WFDC13: variants seen among roughly 807,000 people sequenced by gnomAD.
The protein encoded by WFDC13 is WAP four-disulfide core domain protein 13.
A neutral mutation model predicts 10.9 loss-of-function variants in WFDC13; 6 were observed. The observed-to-expected ratio is 0.55, with a 90% CI of 0.30 to 1.09. The LOEUF is 1.09. Among genes scored for constraint, WFDC13 ranks in the 50% least tolerant of loss-of-function variants. The pLI is 0.06. For synonymous variants in WFDC13, 38 were observed against 39.5 expected (o/e 0.96, Z 0.14); for missense variants, 104 against 109.6 (o/e 0.95, Z 0.23).
intron 2 of WFDC13, 65 bp downstream of exon 2, chr20:45,704,659 C>T (rs1335858870): frequency 6.3e-7 from 1 of 1,577,214 alleles, no homozygotes. Context: ...CAGAAGAGTC[C>T]CTTACCAGCA....
At position 45,705,036 on chromosome 20, in the gene WFDC13, G is replaced by A. The variant is rs751770949; in HGVS notation, c.239+442G>A. ...TTGGGCTCTGGAGATCCAGCCCAAA[G>A]GAAGTTTTGATTAATTGTCCAGACA... On this transcript the variant is annotated intron_variant, in intron 2 of 3. Transcript: ENST00000305479. 3.1e-6 allele frequency: 5 copies of A among 1,597,464 alleles called. No individual in the cohort carries two copies. The African/African-American group carries it at 6.7e-5, about 21-fold the overall frequency.
In WFDC13 at chr20:45,705,791, T is replaced by C. The variant is rs144645759; in HGVS notation, c.240-72T>C. On this transcript the variant is annotated intron_variant, in intron 2 of 3. Transcript: ENST00000305479. ...GGTCTAATATTAATGGTGGAAGTAA[T>C]TGAAAGAAAAATATATATCTCTAAA... 150 of 1,453,122 alleles carry C rather than the reference T, an allele frequency of 1.0e-4. No homozygotes were observed. In the East Asian group the frequency reaches 2.4e-3, roughly 23 times the overall value. The allele number at this position is 1,453,122 out of a possible 1,614,324, so 90.0% of individuals were successfully genotyped here.
chr20:45,702,097 A>G lies in WFDC13; in HGVS notation c.-27A>G. 6.2e-7 allele frequency: 1 copy of G among 1,607,064 alleles called. No homozygotes were observed. Among genetic ancestry groups the G allele is most frequent in the South Asian group, 1.1e-5 (1 of 89,394 alleles). On this transcript the variant is annotated 5_prime_UTR_variant, in exon 1 of 4. Coordinates refer to ENST00000305479, the MANE Select transcript of WFDC13 (RefSeq NM_172005.2). ...GTCAAACCCAGCAACCCTTGGCCAG[A>G]ACTTACTCACCCATCCCACTGACAC...
chr20:45,702,293 T>A (rs1051585297), intron 1 of WFDC13, 82 bp downstream of exon 1: 1 of 1,385,598 alleles, frequency 7.2e-7, no homozygotes, highest in Non-Finnish European at 1.0e-6. Context: ...CTGTCACACC[T>A]CTTGGAAAAA....
chr20:45,702,310 G>T, intron 1 of WFDC13, 99 bp downstream of exon 1: 1 of 1,255,808 alleles, frequency 8.0e-7, no homozygotes, highest in Non-Finnish European at 1.1e-6. Flanking sequence ...AAAATACCGT[G>T]TCATGTTCAA....
intron 2 of WFDC13, 140 bp from the exon 3 acceptor site, chr20:45,705,723 T>G: frequency 1.4e-6 from 1 of 707,898 alleles, no homozygotes. Flanking sequence ...CATTGAGTTT[T>G]TTGAGGTTCT....
intron 3 of WFDC13, among the ~76,000 whole-genome samples, chr20:45,706,494 C>T (rs1003181966): frequency 2.0e-5 from 3 of 150,952 alleles, no homozygotes; most frequent in African/African-American, 7.3e-5. Flanking sequence ...AGGGAGTGGG[C>T]CGGGTATGGT....
intron 2 of WFDC13, 53 bp from the exon 3 acceptor site, chr20:45,705,810 C>T: frequency 6.5e-7 from 1 of 1,533,228 alleles, no homozygotes. Context: ...AAATATATAT[C>T]TCTAAAAGTA....
chr20:45,703,662 G>C (rs62207176), intron 1 of WFDC13, among the ~76,000 whole-genome samples: 8,131 of 152,156 alleles, frequency 0.053, 343 homozygotes, highest in East Asian at 0.21. Context: ...TGTGGACTTA[G>C]GGAAGACTCT....
At chr20:45,706,990 G>A (rs917170053) in intron 3 of WFDC13, among the ~76,000 whole-genome samples, 14 of 152,308 alleles carry the variant, frequency 9.2e-5, no homozygotes, top group South Asian at 2.1e-4. Flanking sequence ...TTAGAATGGT[G>A]GTCTTTCAGC....
intron 2 of WFDC13, among the ~76,000 whole-genome samples, 189 bp from the exon 3 acceptor site, chr20:45,705,674 A>G (rs1984362126): frequency 6.6e-6 from 1 of 152,226 alleles, no homozygotes; most frequent in African/African-American, 2.4e-5. Flanking sequence ...TCAATGCTCT[A>G]CATTGGAATG....
Position 45,702,090 on chromosome 20 carries a change from T to G in WFDC13, c.-34T>G, listed in dbSNP as rs749964713. The stretch of plus-strand genomic sequence containing the variant: ...GTGCCTGGTCAAACCCAGCAACCCT[T>G]GGCCAGAACTTACTCACCCATCCCA... On this transcript the variant is annotated 5_prime_UTR_variant, in exon 1 of 4. Transcript: ENST00000305479. 4.9e-5 allele frequency: 79 copies of G among 1,601,134 alleles called. No homozygotes were observed. Among genetic ancestry groups the G allele is most frequent in the Non-Finnish European group, 6.4e-5 (75 of 1,173,194 alleles).
chr20:45,702,220 TG>T lies in WFDC13; in HGVS notation c.88+11del. Reference sequence around the variant, plus strand: ...CAAGCAGCGTGTTCTGAGTAGGTGCTGGATCTGGGCCCAAGGAGGGAAGTAA... The same window carrying T: ...CAAGCAGCGTGTTCTGAGTAGGTGCTGATCTGGGCCCAAGGAGGGAAGTAA... On this transcript the variant is annotated intron_variant, in intron 1 of 3. Transcript: ENST00000305479. 1 of 1,609,678 alleles carries T rather than the reference TG, an allele frequency of 6.2e-7. No homozygotes were observed. Among genetic ancestry groups the T allele is most frequent in the East Asian group, 2.2e-5 (1 of 44,750 alleles).
rs1568676605 is a variant in WFDC13 at position 45,705,829 on chromosome 20, CTAGTTAATATTTGAAAATA to C, written c.240-32_240-14del. On this transcript the variant is annotated splice_polypyrimidine_tract_variant and intron_variant, in intron 2 of 3. Transcript: ENST00000305479. ...ATATATCTCTAAAAGTAAAACTTCA[CTAGTTAATATTTGAAAATA>C]TTTTTCTTCTACAGAATCAAACACA... 1 of 1,596,896 alleles carries C rather than the reference CTAGTTAATATTTGAAAATA, an allele frequency of 6.3e-7. No homozygotes were observed. Among genetic ancestry groups the C allele is most frequent in the Admixed American group, 1.7e-5 (1 of 59,556 alleles).
In WFDC13 at chr20:45,704,540, G is replaced by C; in HGVS notation, c.185G>C (p.Cys62Ser). The change falls in exon 2 of 4, where the codon TGT becomes TCT. Residue 62 changes from cysteine (C) to serine (S), a missense_variant. By Grantham distance (112) the Cys-to-Ser change is moderately radical. Transcript: ENST00000305479. ...QEDCEKGFQC[C>S]SSFCGIVCSS... ...GATTGCGAGAAAGGATTTCAGTGCT[G>C]TTCCTCCTTCTGTGGGATAGTCTGT... 1 of 1,614,190 alleles carries C rather than the reference G, an allele frequency of 6.2e-7. No individual in the cohort carries two copies. The highest frequency in any genetic ancestry group is 8.5e-7 in the Non-Finnish European group (1 of 1,180,040).
chr20:45,702,847 G>A (rs955330773), intron 1 of WFDC13, among the ~76,000 whole-genome samples: 3 of 152,204 alleles, frequency 2.0e-5, no homozygotes, highest in African/African-American at 7.2e-5. Flanking sequence ...TACCAAGTGG[G>A]AAAAGAACTG....
intron 2 of WFDC13, chr20:45,705,121 G>T: frequency 1.2e-6 from 1 of 843,072 alleles, no homozygotes; most frequent in South Asian, 1.4e-5. Flanking sequence ...AAAGGACATA[G>T]GGTGCTGATG....
intron 3 of WFDC13, among the ~76,000 whole-genome samples, chr20:45,706,539 C>T (rs2145647124): frequency 6.6e-6 from 1 of 151,444 alleles, no homozygotes; most frequent in East Asian, 1.9e-4. Flanking sequence ...TTTCGGAGGC[C>T]AAGGTGGACG....
chr20:45,704,964 T>C (rs1350009998), intron 2 of WFDC13: 1 of 1,614,186 alleles, frequency 6.2e-7, no homozygotes, highest in African/African-American at 1.3e-5. Context: ...CCTACACTTT[T>C]GCTTGCCCTC....
Sources: allele counts gnomAD v4.1 joint callset (sites outside exome capture counted in the v4.1 genomes callset), GRCh38; gene constraint gnomAD v4.1.1; transcripts MANE v1.5; gene names NCBI Gene and HGNC (gene_info 2026-07-23, HGNC 2026-07-21).